The following MED26 variants were observed in gnomAD, a reference collection of about 807,000 sequenced individuals.
The protein encoded by MED26 is mediator complex subunit 26.
A neutral mutation model predicts 43.7 loss-of-function variants in MED26; 7 were observed. The observed-to-expected ratio is 0.16, with a 90% CI of 0.09 to 0.30. The LOEUF (loss-of-function observed/expected upper bound fraction) is 0.30, where lower values mean the gene tolerates loss of function less well. MED26 is among the 10% of genes least tolerant of loss of function. MED26 has a pLI of 1.00. For missense variants in MED26, 784 were observed against 840.6 expected (o/e 0.93, Z 0.83); for synonymous variants, 375 against 371.1 (o/e 1.01, Z -0.12).
intron 1 of MED26, among the ~76,000 whole-genome samples, chr19:16,613,151 CAT>C (rs1291534702): frequency 6.6e-6 from 1 of 152,186 alleles, no homozygotes; most frequent in Non-Finnish European, 1.5e-5. Flanking sequence ...TGTCCAAGGA[CAT>C]ATAACTTGGA....
intron 1 of MED26, among the ~76,000 whole-genome samples, chr19:16,622,314 C>G (rs2086255559): frequency 6.6e-6 from 1 of 152,212 alleles, no homozygotes; most frequent in South Asian, 2.1e-4. Context: ...CTGCCCTCCT[C>G]CCTATGAGGC....
Position 16,577,028 on chromosome 19 carries a change from G to A in MED26, c.802C>T (p.Pro268Ser), listed in dbSNP as rs750880492. ...ETPGPPHPKGPPRCSFSPRNS... is the reference protein window; with the variant it reads ...ETPGPPHPKGSPRCSFSPRNS... The stretch of plus-strand genomic sequence containing the variant: ...CGAGGACTGAAAGAGCAGCGAGGGG[G>A]TCCCTTGGGATGGGGAGGCCCCGGA... The change falls in exon 3 of 3, where the codon CCC becomes TCC. Residue 268 changes from proline (P) to serine (S), a missense_variant. Coordinates refer to ENST00000263390, the MANE Select transcript of MED26 (RefSeq NM_004831.5). This position sits in a 1 kb window ranked among gnomAD's most constrained non-coding sequence, Gnocchi z 8.1. The A allele has an allele frequency of 6.2e-7, 1 of 1,608,994 alleles. No individual in the cohort carries two copies. Among genetic ancestry groups the A allele is most frequent in the African/African-American group, 1.3e-5 (1 of 74,952 alleles).
intron 1 of MED26, among the ~76,000 whole-genome samples, chr19:16,612,795 C>T (rs1374495016): frequency 4.6e-5 from 7 of 152,326 alleles, no homozygotes; most frequent in Admixed American, 2.0e-4. Context: ...TGGACCCTGA[C>T]GTCTGGGATT....
intron 1 of MED26, among the ~76,000 whole-genome samples, chr19:16,625,818 A>G (rs552140867): frequency 6.6e-6 from 1 of 152,336 alleles, no homozygotes; most frequent in African/African-American, 2.4e-5. Flanking sequence ...CAAATGGCCC[A>G]TAACAGCGCT....
At position 16,578,418 on chromosome 19, in the gene MED26, A is replaced by G. The variant is rs756787791; in HGVS notation, c.73-9T>C. The stretch of plus-strand genomic sequence containing the variant: ...GCCACCATGTTCCGGATCTGTGGAA[A>G]TAAAAAGCCATTTGTCAGGTCCCTG... On this transcript the variant is annotated splice_polypyrimidine_tract_variant and intron_variant, in intron 1 of 2. Transcript: ENST00000263390. The G allele has an allele frequency of 2.5e-6, 4 of 1,613,778 alleles. No homozygotes were observed. The Admixed American group carries it at 5.0e-5, about 20-fold the overall frequency.
chr19:16,577,466 T>G lies in MED26; in HGVS notation c.364A>C (p.Arg122=). 2 of 1,590,702 alleles carry G rather than the reference T, an allele frequency of 1.3e-6. No homozygotes were observed. The highest frequency in any genetic ancestry group is 2.2e-5 in the South Asian group (2 of 90,338). ...RPEVGAAGPP[R]SIHDLKSRND... ...CGGCTCTTCAGGTCATGGATGCTCCTGGGTGGGCCAGCCGCCCCCACCTCC... is the reference window on the plus strand; with the variant it reads ...CGGCTCTTCAGGTCATGGATGCTCCGGGGTGGGCCAGCCGCCCCCACCTCC... The change falls in exon 3 of 3, where the codon AGG becomes CGG. Residue 122 remains arginine, a synonymous_variant. Transcript: ENST00000263390. The surrounding 1 kb of genome is among the most constrained non-coding windows in gnomAD (Gnocchi z 8.1).
In MED26 at chr19:16,576,535, C is replaced by T. The variant is rs753039513; in HGVS notation, c.1295G>A (p.Arg432Lys). 6.2e-7 allele frequency: 1 copy of T among 1,614,202 alleles called. No individual in the cohort carries two copies. The highest frequency in any genetic ancestry group is 2.2e-5 in the East Asian group (1 of 44,884). Residue 432 changes from arginine to lysine, a missense_variant, in exon 3 of 3, where the codon AGA becomes AAA. Arg to Lys is a conservative substitution (Grantham distance 26). Coordinates refer to ENST00000263390, the MANE Select transcript of MED26 (RefSeq NM_004831.5). This position sits in a 1 kb window ranked among gnomAD's most constrained non-coding sequence, Gnocchi z 6.8. The part of the protein sequence containing the change: ...ERKLTFDPMT[R>K]QIKPLTQKEP... Reference sequence around the variant, plus strand: ...TTTCTGGGTCAGAGGTTTGATCTGTCTCGTCATGGGGTCAAAGGTGAGCTT... The same window carrying T: ...TTTCTGGGTCAGAGGTTTGATCTGTTTCGTCATGGGGTCAAAGGTGAGCTT...
intron 1 of MED26, among the ~76,000 whole-genome samples, chr19:16,615,008 A>C (rs983772874): frequency 6.6e-6 from 1 of 152,066 alleles, no homozygotes; most frequent in African/African-American, 2.4e-5. Context: ...TAAACTGGTC[A>C]CTGGCCCTAA....
At chr19:16,583,167 ATTGCAGCCTC>A (rs2086054039) in intron 1 of MED26, among the ~76,000 whole-genome samples, 1 of 152,236 alleles carries the variant, frequency 6.6e-6, no homozygotes, top group Non-Finnish European at 1.5e-5. Context: ...CCGATGGCCA[ATTGCAGCCTC>A]TTGCTGTCAG....
intron 1 of MED26, among the ~76,000 whole-genome samples, chr19:16,614,290 G>A (rs552419786): frequency 6.6e-6 from 1 of 152,148 alleles, no homozygotes; most frequent in Admixed American, 6.5e-5. Flanking sequence ...CACTCTGGGA[G>A]GCCGAAGCAG....
intron 1 of MED26, among the ~76,000 whole-genome samples, chr19:16,584,321 C>CA (rs973418648): frequency 2.2e-5 from 3 of 135,010 alleles, no homozygotes; most frequent in African/African-American, 5.7e-5. Context: ...CAAAAAAAAA[C>CA]AAAAAACAAA....
chr19:16,591,048 AAAATAAATAAATAAATAAATAAATAAAT>A (rs10593029), intron 1 of MED26, among the ~76,000 whole-genome samples: 1 of 142,712 alleles, frequency 7.0e-6, no homozygotes, highest in South Asian at 2.3e-4. Flanking sequence ...AAAATAAAAT[AAAATAAATAAATAAATAAATAAATAAAT>A]AAATAAATAA....
intron 1 of MED26, among the ~76,000 whole-genome samples, chr19:16,619,450 A>G (rs909218433): frequency 5.9e-5 from 9 of 152,188 alleles, no homozygotes; most frequent in Non-Finnish European, 1.3e-4. Flanking sequence ...TGGGCCAGGA[A>G]CCTGATGACT....
chr19:16,614,936 C>A (rs971663642), intron 1 of MED26, among the ~76,000 whole-genome samples: 2 of 152,230 alleles, frequency 1.3e-5, no homozygotes, highest in African/African-American at 4.8e-5. Flanking sequence ...CAACTGGGTC[C>A]TCCCAGGTTA....
At chr19:16,607,166 A>C (rs902492716) in intron 1 of MED26, among the ~76,000 whole-genome samples, 1 of 151,978 alleles carries the variant, frequency 6.6e-6, no homozygotes, top group Non-Finnish European at 1.5e-5. Flanking sequence ...ACATAGTGAG[A>C]CCCTGTCTCT....
At chr19:16,583,579 G>C (rs540277259) in intron 1 of MED26, among the ~76,000 whole-genome samples, 36 of 152,308 alleles carry the variant, frequency 2.4e-4, no homozygotes, top group African/African-American at 8.7e-4. Context: ...GCAGCAAGGA[G>C]CACTCTGGAA....
intron 1 of MED26, among the ~76,000 whole-genome samples, chr19:16,605,148 C>T (rs574952820): frequency 6.6e-6 from 1 of 152,246 alleles, no homozygotes; most frequent in East Asian, 1.9e-4. Flanking sequence ...CAAAATGTAG[C>T]GTAGAGCTAA....
intron 1 of MED26, among the ~76,000 whole-genome samples, chr19:16,626,796 G>C (rs1365335679): frequency 6.6e-6 from 1 of 152,160 alleles, no homozygotes; most frequent in Non-Finnish European, 1.5e-5. Flanking sequence ...CTGGGAAGCA[G>C]GGCCTCCCCT....
chr19:16,608,590 ACTGT>A (rs1483375499), intron 1 of MED26, among the ~76,000 whole-genome samples: 5 of 152,168 alleles, frequency 3.3e-5, no homozygotes, highest in Non-Finnish European at 5.9e-5. Flanking sequence ...ATTCCATAAC[ACTGT>A]CTGTTTTTGT....
Sources: allele counts gnomAD v4.1 joint callset (sites outside exome capture counted in the v4.1 genomes callset), GRCh38; gene constraint gnomAD v4.1.1; non-coding constraint Gnocchi (gnomAD v3.1); transcripts MANE v1.5; gene names NCBI Gene and HGNC (gene_info 2026-07-23, HGNC 2026-07-21).